PTPRT: variants seen among roughly 807,000 people sequenced by gnomAD.
PTPRT encodes the protein protein tyrosine phosphatase receptor type T.
A neutral mutation model predicts 176.8 loss-of-function variants in PTPRT; 56 were observed. That is an observed-to-expected ratio of 0.32 (90% CI 0.26 to 0.40). The LOEUF (loss-of-function observed/expected upper bound fraction) is 0.40, where lower values mean the gene tolerates loss of function less well. Among genes scored for constraint, PTPRT ranks in the 10% least tolerant of loss-of-function variants. PTPRT has a pLI of 1.00. For missense variants in PTPRT, 1,540 were observed against 1,908.2 expected (o/e 0.81, Z 3.60); for synonymous variants, 783 against 739.0 (o/e 1.06, Z -0.96).
chr20:43,157,416 G>A (rs1269132308), intron 1 of PTPRT, among the ~76,000 whole-genome samples: 1 of 152,106 alleles, frequency 6.6e-6, no homozygotes, highest in African/African-American at 2.4e-5. Context: ...TCTTACTGGG[G>A]ATGGGAAGCA....
chr20:42,140,628 C>T (rs1373894266), intron 18 of PTPRT, among the ~76,000 whole-genome samples: 2 of 152,124 alleles, frequency 1.3e-5, no homozygotes, highest in South Asian at 4.1e-4. Flanking sequence ...GCTGACTGAT[C>T]CCTCTGCTAC....
chr20:42,132,028 A>C (rs1988146628), intron 18 of PTPRT, among the ~76,000 whole-genome samples: 1 of 152,134 alleles, frequency 6.6e-6, no homozygotes, highest in Non-Finnish European at 1.5e-5. Flanking sequence ...TCATTTCAGA[A>C]GGCTCTCCAT....
chr20:43,027,129 G>C (rs1420391550), intron 1 of PTPRT, among the ~76,000 whole-genome samples: 1 of 152,122 alleles, frequency 6.6e-6, no homozygotes, highest in East Asian at 1.9e-4. Context: ...TCTAGTTTTA[G>C]TTTTTAAGGA....
At chr20:42,893,107 C>G (rs2079223928) in intron 1 of PTPRT, among the ~76,000 whole-genome samples, 1 of 152,062 alleles carries the variant, frequency 6.6e-6, no homozygotes. Context: ...ATTTTCGCAA[C>G]CTACTCATCT....
intron 2 of PTPRT, among the ~76,000 whole-genome samples, chr20:42,851,335 TAA>T (rs1305903155): frequency 1.1e-4 from 16 of 152,316 alleles, no homozygotes; most frequent in African/African-American, 3.6e-4. Context: ...TTTCTGCTGT[TAA>T]AAGACTGTGC....
chr20:42,727,670 T>C (rs1330316882), intron 6 of PTPRT, among the ~76,000 whole-genome samples: 3 of 152,184 alleles, frequency 2.0e-5, no homozygotes, highest in African/African-American at 4.8e-5. Flanking sequence ...GTAGAAAGTT[T>C]TCTTCTGGAG....
At chr20:42,836,007 G>A (rs564549599) in intron 2 of PTPRT, among the ~76,000 whole-genome samples, 11 of 152,204 alleles carry the variant, frequency 7.2e-5, no homozygotes, top group Non-Finnish European at 1.5e-4. Flanking sequence ...GGAGGAGTTT[G>A]GATGATGCAA....
At chr20:42,534,369 C>T (rs1479266393) in intron 7 of PTPRT, among the ~76,000 whole-genome samples, 5 of 152,088 alleles carry the variant, frequency 3.3e-5, no homozygotes, top group Non-Finnish European at 5.9e-5. Context: ...CATGGTGGCT[C>T]ATGCCTGTAA....
chr20:42,517,045 T>C (rs10153973), intron 7 of PTPRT, among the ~76,000 whole-genome samples: 1,672 of 152,238 alleles, frequency 0.011, 27 homozygotes, highest in African/African-American at 0.038. Context: ...AGTTTATGTT[T>C]ACTAAGTATA....
intron 1 of PTPRT, among the ~76,000 whole-genome samples, chr20:43,079,183 C>A (rs1413125410): frequency 7.7e-6 from 1 of 130,082 alleles, no homozygotes; most frequent in African/African-American, 2.9e-5. Flanking sequence ...TCCCTCCCCC[C>A]CCCCAGCCCC....
chr20:42,272,702 C>A (rs1016596132), intron 13 of PTPRT, among the ~76,000 whole-genome samples: 1 of 143,498 alleles, frequency 7.0e-6, no homozygotes, highest in African/African-American at 2.7e-5. Context: ...TGCGCGCATG[C>A]GTGCACACAC....
intron 26 of PTPRT, among the ~76,000 whole-genome samples, chr20:42,099,552 G>GGT (rs1985692206): frequency 1.7e-5 from 1 of 60,270 alleles, no homozygotes; most frequent in East Asian, 6.5e-4. Context: ...TGGGCGGGGG[G>GGT]GGGGGGGGTG....
intron 1 of PTPRT, among the ~76,000 whole-genome samples, chr20:43,094,415 T>TC (rs2012034351): frequency 1.4e-5 from 2 of 140,538 alleles, no homozygotes; most frequent in South Asian, 2.4e-4. Flanking sequence ...TTTTTTTTTT[T>TC]CAGACGGAGT....
intron 11 of PTPRT, among the ~76,000 whole-genome samples, chr20:42,331,665 C>A (rs982132572): frequency 5.9e-5 from 9 of 152,070 alleles, no homozygotes; most frequent in Admixed American, 2.6e-4. Context: ...AGGTGAAAAT[C>A]GTGTATGCAC....
chr20:42,988,838 C>A (rs987608924), intron 1 of PTPRT, among the ~76,000 whole-genome samples: 1 of 152,142 alleles, frequency 6.6e-6, no homozygotes, highest in Non-Finnish European at 1.5e-5. Flanking sequence ...TGACAGTGTG[C>A]CTTGTGACCT....
chr20:42,569,879 T>C (rs958050584), intron 7 of PTPRT, among the ~76,000 whole-genome samples: 3 of 152,210 alleles, frequency 2.0e-5, no homozygotes, highest in Non-Finnish European at 4.4e-5. Context: ...TGTATTCATG[T>C]TGTATGTCAC....
At chr20:42,424,955 GA>G (rs1055487562) in intron 9 of PTPRT, among the ~76,000 whole-genome samples, 2 of 151,542 alleles carry the variant, frequency 1.3e-5, no homozygotes, top group Admixed American at 6.6e-5. Context: ...AAAGTGTATG[GA>G]AAAAGAAAAC....
intron 7 of PTPRT, among the ~76,000 whole-genome samples, chr20:42,651,397 A>G (rs2075028348): frequency 6.6e-6 from 1 of 152,174 alleles, no homozygotes; most frequent in South Asian, 2.1e-4. Context: ...TGTCATGGAT[A>G]TTTTCTCAAA....
chr20:42,852,530 C>T (rs1021536923), intron 2 of PTPRT, among the ~76,000 whole-genome samples: 1 of 151,660 alleles, frequency 6.6e-6, no homozygotes, highest in Non-Finnish European at 1.5e-5. Context: ...TCTTTGATGC[C>T]TCCTTCATAT....
Sources: gnomAD v4.1 joint callset for allele counts (sites outside exome capture counted in the v4.1 genomes callset) on GRCh38, gnomAD v4.1.1 for gene constraint, MANE v1.5 for transcripts, NCBI Gene and HGNC (gene_info 2026-07-23, HGNC 2026-07-21) for gene names.